The following COL4A1 variants were observed in gnomAD, a reference collection of about 807,000 sequenced individuals.
COL4A1 encodes collagen alpha-1(IV) chain.
COL4A1 carries 40 observed loss-of-function variants against 216.6 expected under a neutral mutation model. The ratio of observed to expected loss-of-function variants is 0.18; its 90% CI spans 0.14 to 0.24. The LOEUF (loss-of-function observed/expected upper bound fraction) is 0.24. Among genes scored for constraint, COL4A1 ranks in the 10% least tolerant of loss-of-function variants. COL4A1 has a pLI of 1.00. For missense variants in COL4A1, 1,628 were observed against 2,196.8 expected, an observed-to-expected ratio of 0.74 and a Z score of 5.18; for synonymous variants, 839 against 810.7, an observed-to-expected ratio of 1.03 and a Z score of -0.59.
intron 2 of COL4A1, among the ~76,000 whole-genome samples, chr13:110,222,310 C>T (rs560448209): frequency 6.6e-6 from 1 of 152,192 alleles, no homozygotes; most frequent in East Asian, 1.9e-4. Context: ...CAAACTCTGG[C>T]AGACAGTGGA....
In COL4A1 at chr13:110,170,675, G is replaced by A. The variant is rs745387164; in HGVS notation, c.3614C>T (p.Ser1205Phe). 6.2e-7 allele frequency: 1 copy of A among 1,614,164 alleles called. No individual in the cohort carries two copies. Among genetic ancestry groups the A allele is most frequent in the Non-Finnish European group, 8.5e-7 (1 of 1,180,030 alleles). ...ACCCATGAATCCTTGCTCTCCTTTG[G>A]ATCCAGGAATTCCTGGGCTCCCGGC... ...GLAGSPGIPGSKGEQGFMGPP... is the reference protein window; with the variant it reads ...GLAGSPGIPGFKGEQGFMGPP... The change falls in exon 42 of 52, where the codon TCC becomes TTC. Residue 1205 changes from serine (S) to phenylalanine (F), a missense_variant. Physicochemically the swap from Ser to Phe is radical, Grantham distance 155 (BLOSUM62 -2). Around this residue, in one of 8 missense-constraint regions of COL4A1, gnomAD observed 345 missense variants for 476.9 expected, o/e 0.72. Transcript: ENST00000375820.
intron 10 of COL4A1, 156 bp downstream of exon 10, chr13:110,209,824 G>T: frequency 1.1e-6 from 1 of 941,534 alleles, no homozygotes; most frequent in Non-Finnish European, 1.7e-6. Flanking sequence ...CGGGATGCCA[G>T]CCAAACGTTT....
chr13:110,256,268 G>A (rs1010288630), intron 1 of COL4A1, among the ~76,000 whole-genome samples: 4 of 151,606 alleles, frequency 2.6e-5, no homozygotes, highest in Admixed American at 1.3e-4. Context: ...ATTCTAGTCC[G>A]GGGGGAAAAA....
intron 49 of COL4A1, among the ~76,000 whole-genome samples, chr13:110,158,422 G>A (rs583900): frequency 0.29 from 44,042 of 152,026 alleles, 7,261 homozygotes; most frequent in African/African-American, 0.44. Context: ...CCCAAACAGG[G>A]CATGTTCATC....
intron 19 of COL4A1, 36 bp downstream of exon 19, chr13:110,201,402 G>A: frequency 1.5e-6 from 2 of 1,332,482 alleles, no homozygotes; most frequent in Non-Finnish European, 1.0e-6. Context: ...GAAGGAGGGG[G>A]AGTAGGAGGA....
chr13:110,274,950 C>T (rs1246683795), intron 1 of COL4A1, among the ~76,000 whole-genome samples: 1 of 152,234 alleles, frequency 6.6e-6, no homozygotes, highest in African/African-American at 2.4e-5. Context: ...CATTCTCTCT[C>T]TTCCAAAAAT....
At position 110,259,055 on chromosome 13, in the gene COL4A1, G is replaced by C. The variant is rs144838203; in HGVS notation, c.85-16321C>G. 6.4e-3 allele frequency among the ~76,000 whole-genome samples: 975 copies of C among 152,332 alleles called. 3 individuals are homozygous for C. Among genetic ancestry groups the C allele is most frequent in the Non-Finnish European group, 0.01 (683 of 68,030 alleles). On this transcript the variant is annotated intron_variant, in intron 1 of 51. Transcript: ENST00000375820. Reference sequence around the variant, plus strand: ...GATGACACGGGGCCGCCCGGTCCCTGGAGTGAGGCCCTTGGCTTCCAAAGC... The same window carrying C: ...GATGACACGGGGCCGCCCGGTCCCTCGAGTGAGGCCCTTGGCTTCCAAAGC...
rs767894231 is a variant in COL4A1, at chr13:110,205,335, A to G, written c.957+18T>C. ...TTGGAAAGTGAAGATAAAGGCTCACAATAGTGCCAGCGTTTACCTGCGGGC... is the reference window on the plus strand; with the variant it reads ...TTGGAAAGTGAAGATAAAGGCTCACGATAGTGCCAGCGTTTACCTGCGGGC... On this transcript the variant is annotated intron_variant, in intron 17 of 51. Transcript: ENST00000375820. 2.5e-6 allele frequency: 4 copies of G among 1,614,002 alleles called. 1 individual carries two copies. The South Asian group carries it at 3.3e-5, about 13-fold the overall frequency.
chr13:110,295,602 T>G (rs1037301451), intron 1 of COL4A1, among the ~76,000 whole-genome samples: 1 of 152,112 alleles, frequency 6.6e-6, no homozygotes, highest in East Asian at 1.9e-4. Flanking sequence ...ATTTTTGTAT[T>G]TTTAGTAGAG....
At chr13:110,244,593 C>A (rs1196513041) in intron 1 of COL4A1, among the ~76,000 whole-genome samples, 1 of 152,164 alleles carries the variant, frequency 6.6e-6, no homozygotes, top group Non-Finnish European at 1.5e-5. Context: ...CCTAACTCAG[C>A]CAGTACTACC....
chr13:110,247,597 GGAAGA>G (rs1327963827), intron 1 of COL4A1, among the ~76,000 whole-genome samples: 5 of 152,128 alleles, frequency 3.3e-5, no homozygotes, highest in Non-Finnish European at 7.3e-5. Context: ...AGAAAGGGGA[GGAAGA>G]GAAGTCAATG....
chr13:110,270,954 A>G (rs1290604384), intron 1 of COL4A1, among the ~76,000 whole-genome samples: 2 of 152,220 alleles, frequency 1.3e-5, no homozygotes, highest in African/African-American at 4.8e-5. Context: ...ATTCCAGGAA[A>G]GCAACGACAT....
At chr13:110,250,613 T>G (rs1187914408) in intron 1 of COL4A1, among the ~76,000 whole-genome samples, 1 of 152,236 alleles carries the variant, frequency 6.6e-6, no homozygotes, top group Non-Finnish European at 1.5e-5. Flanking sequence ...TTTGTCCAGC[T>G]GCAAGCAGAT....
At chr13:110,272,980 TCCA>T (rs1468257452) in intron 1 of COL4A1, among the ~76,000 whole-genome samples, 1 of 152,226 alleles carries the variant, frequency 6.6e-6, no homozygotes, top group African/African-American at 2.4e-5. Context: ...AACGTTCTCC[TCCA>T]CCTTCTCCTT....
Position 110,213,846 on chromosome 13 carries a change from C to T in COL4A1, c.235-20G>A, listed in dbSNP as rs763243632. On this transcript the variant is annotated intron_variant, in intron 3 of 51. Coordinates refer to ENST00000375820, the MANE Select transcript of COL4A1 (RefSeq NM_001845.6). ...ATCACCCTGGAACAGAATAGAAATG[C>T]CATTGTCATTGATCACCGCTATCTC... 1 of 1,613,922 alleles carries T rather than the reference C, an allele frequency of 6.2e-7. No individual in the cohort carries two copies. The highest frequency in any genetic ancestry group is 1.7e-5 in the Admixed American group (1 of 60,004).
rs140372982 is a variant in COL4A1, at chr13:110,243,939, C to T, written c.85-1205G>A. Among the ~76,000 whole-genome samples, 834 of 152,290 alleles carry T rather than the reference C, an allele frequency of 5.5e-3. 8 individuals carry two copies. Among genetic ancestry groups the T allele is most frequent in the Middle Eastern group, 0.02 (6 of 294 alleles). ...AGATAGAAATACGTCGGTACATACA[C>T]GCACTTGCAATTTCCTTAGAAGAAT... On this transcript the variant is annotated intron_variant, in intron 1 of 51. Transcript: ENST00000375820.
chr13:110,280,682 C>T (rs1045067029), intron 1 of COL4A1, among the ~76,000 whole-genome samples: 1 of 152,158 alleles, frequency 6.6e-6, no homozygotes, highest in Non-Finnish European at 1.5e-5. Flanking sequence ...TAAGTGGCCT[C>T]GAAAAATCCC....
intron 1 of COL4A1, among the ~76,000 whole-genome samples, chr13:110,243,476 C>T (rs959935500): frequency 3.3e-5 from 5 of 152,150 alleles, no homozygotes; most frequent in Admixed American, 6.5e-5. Flanking sequence ...CGCCACCACA[C>T]CCAGCTAATT....
In COL4A1 at chr13:110,268,469, A is replaced by G. The variant is rs1883125273; in HGVS notation, c.85-25735T>C. 6.6e-6 allele frequency among the ~76,000 whole-genome samples: 1 copy of G among 152,244 alleles called. No individual in the cohort carries two copies. The highest frequency in any genetic ancestry group is 2.4e-5 in the African/African-American group (1 of 41,472). On this transcript the variant is annotated intron_variant, in intron 1 of 51. Coordinates refer to ENST00000375820, the MANE Select transcript of COL4A1 (RefSeq NM_001845.6). The surrounding 1 kb of genome is among the most constrained non-coding windows in gnomAD (Gnocchi z 4.1). ...CCTCGCCAGTCCAAGTGAGCTTTTAACAAAAATGTGTCGAGTAAAAGAATG... is the reference window on the plus strand; with the variant it reads ...CCTCGCCAGTCCAAGTGAGCTTTTAGCAAAAATGTGTCGAGTAAAAGAATG...
Sources: gnomAD v4.1 joint callset for allele counts (sites outside exome capture counted in the v4.1 genomes callset) on GRCh38, gnomAD v4.1.1 for gene constraint, gnomAD v4.1.1 regional missense constraint, Gnocchi (gnomAD v3.1) non-coding constraint, MANE v1.5 for transcripts, NCBI Gene and HGNC (gene_info 2026-07-23, HGNC 2026-07-21) for gene names.